The following NLRP4 variants were observed in gnomAD, a reference collection of about 807,000 sequenced individuals.
NLRP4 encodes NLR family pyrin domain containing 4.
Under a neutral mutation model 84.7 loss-of-function variants are expected in NLRP4, and 44 were observed. The observed-to-expected ratio is 0.52, with a 90% confidence interval of 0.41 to 0.67. The LOEUF (loss-of-function observed/expected upper bound fraction) is 0.67, where lower values mean the gene tolerates loss of function less well. NLRP4 is among the 30% of genes least tolerant of loss of function. The probability of loss-of-function intolerance (pLI) is 0.00; values close to 1 mark genes in which losing one functional copy is unlikely to be tolerated. For missense variants in NLRP4, 1,260 were observed against 1,219.4 expected, an observed-to-expected ratio of 1.03 and a Z score of -0.50; for synonymous variants, 544 against 476.4, an observed-to-expected ratio of 1.14 and a Z score of -1.85.
At chr19:55,840,359 T>C (rs983701178) in intron 1 of NLRP4, among the ~76,000 whole-genome samples, 3 of 151,038 alleles carry the variant, frequency 2.0e-5, no homozygotes, top group African/African-American at 7.3e-5. Flanking sequence ...TGTGTGTGTG[T>C]GTGTGTGTGT....
At position 55,838,031 on chromosome 19, in the gene NLRP4, G is replaced by C. The variant is rs151129526; in HGVS notation, c.-66+1097G>C. 5.3e-3 allele frequency among the ~76,000 whole-genome samples: 563 copies of C among 106,364 alleles called. 7 individuals are homozygous for C. The highest frequency in any genetic ancestry group is 0.023 in the African/African-American group (540 of 23,530). 69.8% of individuals were successfully genotyped at this position (106,364 alleles called of 152,430 possible). The stretch of plus-strand genomic sequence containing the variant: ...AGCCTGGGTGACAGAATGAGACTCG[G>C]TCTCAAGCTGGATGCAGTGGCTCAC... On this transcript the variant is annotated intron_variant, in intron 1 of 9. Coordinates refer to ENST00000301295, the MANE Select transcript of NLRP4 (RefSeq NM_134444.5).
intron 1 of NLRP4, among the ~76,000 whole-genome samples, chr19:55,837,427 A>G (rs939935022): frequency 1.3e-5 from 2 of 152,184 alleles, no homozygotes; most frequent in Non-Finnish European, 2.9e-5. Context: ...ACTGAACACC[A>G]GCACCTATTC....
chr19:55,837,890 G>A (rs1460687366), intron 1 of NLRP4, among the ~76,000 whole-genome samples: 1 of 152,062 alleles, frequency 6.6e-6, no homozygotes, highest in Non-Finnish European at 1.5e-5. Flanking sequence ...ACAAAAATCA[G>A]CTGGGTATGG....
intron 5 of NLRP4, among the ~76,000 whole-genome samples, chr19:55,864,468 C>T (rs1390321561): frequency 6.6e-6 from 1 of 151,996 alleles, no homozygotes; most frequent in Non-Finnish European, 1.5e-5. Context: ...TTCTAGTCCT[C>T]TAGTGATGAA....
At chr19:55,852,432 G>T in intron 2 of NLRP4, 72 bp downstream of exon 2, 1 of 964,598 alleles carries the variant, frequency 1.0e-6, no homozygotes, top group Non-Finnish European at 1.6e-6. Context: ...AGTGGTCTCT[G>T]CCTGTCTACA....
At chr19:55,870,200 C>A (rs302440) in intron 6 of NLRP4, among the ~76,000 whole-genome samples, 102,105 of 152,082 alleles carry the variant, frequency 0.67, 34,700 homozygotes, top group East Asian at 0.83. Flanking sequence ...TTACCAGTCC[C>A]TGAGGGAGCG....
At chr19:55,879,785 C>G (rs1985515967) in intron 9 of NLRP4, among the ~76,000 whole-genome samples, 1 of 151,796 alleles carries the variant, frequency 6.6e-6, no homozygotes, top group South Asian at 2.1e-4. Context: ...GGACTTTTGC[C>G]CTCACTATCT....
intron 1 of NLRP4, among the ~76,000 whole-genome samples, chr19:55,851,038 C>T (rs1984106795): frequency 7.7e-6 from 1 of 129,650 alleles, no homozygotes; most frequent in Non-Finnish European, 1.5e-5. Context: ...TCCGAGGCTG[C>T]GGTGTAATGT....
At chr19:55,854,976 G>A (rs1984355004) in intron 2 of NLRP4, among the ~76,000 whole-genome samples, 1 of 152,122 alleles carries the variant, frequency 6.6e-6, no homozygotes. Flanking sequence ...CGCCCGCCTT[G>A]GCTTCCCAAA....
intron 1 of NLRP4, among the ~76,000 whole-genome samples, chr19:55,851,667 TGTCCGAGGCTGCGGTGTAATG>T (rs1984154852): frequency 6.8e-6 from 1 of 147,832 alleles, no homozygotes; most frequent in Non-Finnish European, 1.5e-5. Flanking sequence ...TGCGGTGTAA[TGTCCGAGGCTGCGGTGTAATG>T]TCCGAGGCTG....
At chr19:55,853,294 C>A (rs1172730693) in intron 2 of NLRP4, among the ~76,000 whole-genome samples, 2 of 152,180 alleles carry the variant, frequency 1.3e-5, no homozygotes, top group Non-Finnish European at 2.9e-5. Context: ...AATATTCTTG[C>A]ATCTGAGGTT....
intron 1 of NLRP4, 106 bp from the exon 2 acceptor site, chr19:55,851,910 C>G (rs1231130275): frequency 1.2e-5 from 7 of 569,936 alleles, no homozygotes; most frequent in Non-Finnish European, 2.1e-5. Context: ...AATTAAATAA[C>G]TTTCCGCCTT....
Position 55,859,017 on chromosome 19 carries a change from G to A in NLRP4, c.1624G>A (p.Gly542Ser), listed in dbSNP as rs1984602887. The A allele has an allele frequency of 6.2e-7, 1 of 1,614,022 alleles. No individual in the cohort carries two copies. Among genetic ancestry groups the A allele is most frequent in the African/African-American group, 1.3e-5 (1 of 74,916 alleles). The change falls in exon 3 of 10, where the codon GGC (glycine) becomes AGC (serine). Residue 542 changes from glycine to serine, a missense_variant. Physicochemically the swap from Gly to Ser is moderately conservative, Grantham distance 56. Around this residue, in one of 3 missense-constraint regions of NLRP4, gnomAD observed 712 missense variants for 669.2 expected, o/e 1.06. Coordinates refer to ENST00000301295, the MANE Select transcript of NLRP4 (RefSeq NM_134444.5). ...HQCLKSLGER[G>S]NPQGQVDSLA... ...GTGCCTGAAGAGCTTAGGGGAGCGT[G>A]GCAATCCTCAGGGACAGGTGGATTC...
chr19:55,836,725 T>G lies in NLRP4; in HGVS notation c.-275T>G, dbSNP rs199475741. ...TTCTATTTACCCAGCGTTTTCCTTCTCTCCAGTTAGTGGGGTAGATGAACG... is the reference window on the plus strand; with the variant it reads ...TTCTATTTACCCAGCGTTTTCCTTCGCTCCAGTTAGTGGGGTAGATGAACG... On this transcript the variant is annotated 5_prime_UTR_variant, in exon 1 of 10. Coordinates refer to ENST00000301295, the MANE Select transcript of NLRP4 (RefSeq NM_134444.5). The G allele has an allele frequency of 6.6e-6, 1 of 152,092 alleles. No homozygotes were observed. The highest frequency in any genetic ancestry group is 1.9e-4 in the East Asian group (1 of 5,158). 9.4% of individuals were successfully genotyped at this position (152,092 alleles called of 1,614,324 possible).
Position 55,850,004 on chromosome 19 carries a change from G to GTAGCTGCGGTGTA in NLRP4, c.-65-2012_-65-2011insTAGCTGCGGTGTA, listed in dbSNP as rs1983988964. ...GGTGTAATTTCCGAGACTGCGGTGTGATTTCCGAGACTGCGGTGTGATTTC... is the reference window on the plus strand; with the variant it reads ...GGTGTAATTTCCGAGACTGCGGTGTGTAGCTGCGGTGTAATTTCCGAGACTGCGGTGTGATTTC... On this transcript the variant is annotated intron_variant, in intron 1 of 9. Coordinates refer to ENST00000301295, the MANE Select transcript of NLRP4 (RefSeq NM_134444.5). Among the ~76,000 whole-genome samples the GTAGCTGCGGTGTA allele has an allele frequency of 1.1e-4, 3 of 28,322 alleles. 1 individual carries two copies. The highest frequency in any genetic ancestry group is 6.1e-4 in the Admixed American group (1 of 1,646). The allele number at this position is 28,322 out of a possible 152,430, so 18.6% of individuals were successfully genotyped here. A position where few individuals can be genotyped will look rare whatever the true frequency, so the allele number is the denominator to read the frequency against.
chr19:55,862,025 T>G lies in NLRP4; in HGVS notation c.2052T>G (p.Val684=), dbSNP rs1420821982. The G allele has an allele frequency of 1.9e-6, 3 of 1,613,932 alleles. No individual in the cohort carries two copies. In the Admixed American group the frequency reaches 5.0e-5, roughly 27 times the overall value. Residue 684 remains valine, a synonymous_variant, in exon 5 of 10, where the codon GTT becomes GTG. Transcript: ENST00000301295. Reference sequence around the variant, plus strand: ...ACGTTTCCTTTTCTGGCCAGAGTGTTCTGCTCTTTGAGGTGCTCTTTTATC... The same window carrying G: ...ACGTTTCCTTTTCTGGCCAGAGTGTGCTGCTCTTTGAGGTGCTCTTTTATC... ...INNVSFSGQS[V]LLFEVLFYQP... is the part of the protein sequence containing the mutation.
At chr19:55,855,544 G>A (rs1387698676) in intron 2 of NLRP4, among the ~76,000 whole-genome samples, 6 of 152,184 alleles carry the variant, frequency 3.9e-5, no homozygotes. Flanking sequence ...AAGATTGGGG[G>A]AATCCCTTGT....
intron 1 of NLRP4, among the ~76,000 whole-genome samples, chr19:55,849,984 A>AATTTCCGAGGCTGCGGTGTG (rs1983983977): frequency 1.3e-5 from 1 of 75,456 alleles, no homozygotes; most frequent in Non-Finnish European, 2.3e-5. Flanking sequence ...GCTGCGGTGT[A>AATTTCCGAGGCTGCGGTGTG]ATTTCCGAGA....
chr19:55,850,808 TCCG>T (rs1984083518), intron 1 of NLRP4, among the ~76,000 whole-genome samples: 1 of 30,480 alleles, frequency 3.3e-5, no homozygotes, highest in Non-Finnish European at 5.0e-5. Context: ...CGGTGTAATT[TCCG>T]AGGCTGCGGT....
Sources: gnomAD v4.1 joint callset for allele counts (sites outside exome capture counted in the v4.1 genomes callset) on GRCh38, gnomAD v4.1.1 for gene constraint, gnomAD v4.1.1 regional missense constraint, MANE v1.5 for transcripts, NCBI Gene and HGNC (gene_info 2026-07-23, HGNC 2026-07-21) for gene names.